ALOX12: variants seen among roughly 807,000 people sequenced by gnomAD.
The protein encoded by ALOX12 is polyunsaturated fatty acid lipoxygenase ALOX12.
A neutral mutation model predicts 85.5 loss-of-function variants in ALOX12; 62 were observed. That is an observed-to-expected ratio of 0.73 (90% confidence interval 0.59 to 0.90). The LOEUF (loss-of-function observed/expected upper bound fraction) is 0.90. Ranked by LOEUF, ALOX12 falls within the 40% of genes least tolerant of loss-of-function variation. The pLI is 0.00. For synonymous variants in ALOX12, 299 were observed against 332.7 expected (o/e 0.90, Z 1.10); for missense variants, 751 against 856.5 (o/e 0.88, Z 1.54).
chr17:7,007,289 G>A (rs1909137072), intron 11 of ALOX12, among the ~76,000 whole-genome samples: 1 of 152,166 alleles, frequency 6.6e-6, no homozygotes, highest in Non-Finnish European at 1.5e-5. Context: ...GGAAGAAAAA[G>A]CCTTTGCTGA....
At position 7,006,508 on chromosome 17, in the gene ALOX12, C is replaced by T; in HGVS notation, c.1441C>T (p.Leu481Phe). The T allele has an allele frequency of 6.2e-7, 1 of 1,613,790 alleles. No homozygotes were observed. Among genetic ancestry groups the T allele is most frequent in the East Asian group, 2.2e-5 (1 of 44,866 alleles). The change falls in exon 11 of 14, where the codon CTC becomes TTC. Residue 481 changes from leucine (L) to phenylalanine (F), a missense_variant. Physicochemically the swap from Leu to Phe is conservative, Grantham distance 22 (BLOSUM62 0). Transcript: ENST00000251535. ...IARYVEGIVH[L>F]FYQRDDIVKG... ...CAGGTATGTGGAGGGGATCGTCCAC[C>T]TCTTCTACCAAAGGGATGACATAGT...
intron 2 of ALOX12, 103 bp from the exon 3 acceptor site, chr17:6,998,406 T>G (rs1160827590): frequency 2.1e-5 from 16 of 768,524 alleles, no homozygotes; most frequent in Non-Finnish European, 3.6e-5. Context: ...CAACAGTGCA[T>G]GGCTGAAAAC....
At chr17:7,009,606 C>T in intron 11 of ALOX12, 141 bp from the exon 12 acceptor site, 1 of 752,986 alleles carries the variant, frequency 1.3e-6, no homozygotes, top group South Asian at 1.7e-5. Flanking sequence ...TGAGCCAGGA[C>T]TTAAACGCAT....
intron 13 of ALOX12, 50 bp downstream of exon 13, chr17:7,010,176 C>T: frequency 6.3e-7 from 1 of 1,598,552 alleles, no homozygotes; most frequent in East Asian, 2.2e-5. Flanking sequence ...AAGGAAACAT[C>T]AGAGTGAGGG....
rs1908649252 is a variant in ALOX12, at chr17:7,000,321, C to A, written c.808-15C>A. 1 of 1,613,780 alleles carries A rather than the reference C, an allele frequency of 6.2e-7. No homozygotes were observed. Among genetic ancestry groups the A allele is most frequent in the Non-Finnish European group, 8.5e-7 (1 of 1,179,824 alleles). On this transcript the variant is annotated splice_polypyrimidine_tract_variant and intron_variant, in intron 6 of 13. Transcript: ENST00000251535. This position sits in a 1 kb window ranked among gnomAD's most constrained non-coding sequence, Gnocchi z 4.6. Reference sequence around the variant, plus strand: ...CTTTGAACTCTAAAAATGGATACATCCCTCCTGTCCCCAGAATGGTTCCCT... The same window carrying A: ...CTTTGAACTCTAAAAATGGATACATACCTCCTGTCCCCAGAATGGTTCCCT...
chr17:6,999,086 C>G, intron 5 of ALOX12, 30 bp downstream of exon 5: 1 of 1,594,324 alleles, frequency 6.3e-7, no homozygotes, highest in Non-Finnish European at 8.6e-7. Context: ...CTCCATAATC[C>G]CTTAATGGCC....
intron 11 of ALOX12, among the ~76,000 whole-genome samples, chr17:7,006,927 G>A (rs559494537): frequency 1.3e-5 from 2 of 152,076 alleles, no homozygotes; most frequent in Non-Finnish European, 1.5e-5. Context: ...GTCCCTGCTG[G>A]GCTCATATTC....
In ALOX12 at chr17:7,000,446, GC is replaced by G; in HGVS notation, c.921del (p.Asn308MetfsTer55). 1.2e-6 allele frequency: 2 copies of G among 1,614,044 alleles called. No homozygotes were observed. On this transcript the variant is annotated frameshift_variant, in exon 7 of 14. Transcript: ENST00000251535. LOFTEE classifies it high-confidence loss of function. The surrounding 1 kb of genome is among the most constrained non-coding windows in gnomAD (Gnocchi z 4.6). ...CCCCCCTCGTTATGCTGAAGATGGA[GC>G]CCAATGGGAAGCTGCAGCCCATGGT... The part of the protein sequence containing the change: ...AAPLVMLKME[P>X]NGKLQPMVIQ...
intron 2 of ALOX12, among the ~76,000 whole-genome samples, chr17:6,997,359 G>T (rs1908498922): frequency 6.6e-6 from 1 of 151,982 alleles, no homozygotes; most frequent in South Asian, 2.1e-4. Context: ...GAGATGTAAA[G>T]GTGACTCAGA....
chr17:6,999,685 G>A, intron 6 of ALOX12: 1 of 526,768 alleles, frequency 1.9e-6, no homozygotes, highest in Non-Finnish European at 3.4e-6. Context: ...AGCACACAGA[G>A]AGGGGCTGGA....
intron 8 of ALOX12, among the ~76,000 whole-genome samples, chr17:7,003,598 T>C (rs772281361): frequency 1.3e-5 from 2 of 152,096 alleles, no homozygotes; most frequent in Non-Finnish European, 2.9e-5. Flanking sequence ...GGCTAATTTT[T>C]TTTATTTTTT....
intron 11 of ALOX12, among the ~76,000 whole-genome samples, chr17:7,007,071 G>C (rs1909123251): frequency 6.6e-6 from 1 of 152,168 alleles, no homozygotes; most frequent in Non-Finnish European, 1.5e-5. Flanking sequence ...AGAGGGTCCA[G>C]GAATACCGCA....
At chr17:7,008,210 A>G (rs1395458791) in intron 11 of ALOX12, among the ~76,000 whole-genome samples, 1 of 152,248 alleles carries the variant, frequency 6.6e-6, no homozygotes, top group African/African-American at 2.4e-5. Context: ...AAAGACATTC[A>G]GTTCATGACA....
At position 7,010,506 on chromosome 17, in the gene ALOX12, T is replaced by A; in HGVS notation, c.*83T>A. The A allele has an allele frequency of 6.7e-7, 1 of 1,495,024 alleles. No individual in the cohort carries two copies. The highest frequency in any genetic ancestry group is 1.3e-5 in the South Asian group (1 of 76,020). The allele number at this position is 1,495,024 out of a possible 1,614,324, so 92.6% of individuals were successfully genotyped here. A position where few individuals can be genotyped will look rare whatever the true frequency, so the allele number is the denominator to read the frequency against. On this transcript the variant is annotated 3_prime_UTR_variant, in exon 14 of 14. Coordinates refer to ENST00000251535, the MANE Select transcript of ALOX12 (RefSeq NM_000697.3). ...TCTTGAATTTCATGCTTTCCTAAAG[T>A]CTCTGCTGCTAAGGCTCTATTTCCT...
chr17:7,006,727 C>T, intron 11 of ALOX12, 120 bp downstream of exon 11: 2 of 1,331,814 alleles, frequency 1.5e-6, no homozygotes, highest in South Asian at 1.5e-5. Flanking sequence ...CCTCCCTCCA[C>T]ACGGGAAAGC....
chr17:6,999,486 C>T lies in ALOX12; in HGVS notation c.807+20C>T, dbSNP rs1171965446. 2 of 1,612,670 alleles carry T rather than the reference C, an allele frequency of 1.2e-6. No individual in the cohort carries two copies. Among genetic ancestry groups the T allele is most frequent in the Non-Finnish European group, 1.7e-6 (2 of 1,178,930 alleles). ...CTTCAGGTACCTCTCCTTCCCCTGC[C>T]TGGCACTGTTCTCTCCTTAGTAGTG... On this transcript the variant is annotated intron_variant, in intron 6 of 13. Coordinates refer to ENST00000251535, the MANE Select transcript of ALOX12 (RefSeq NM_000697.3).
At position 7,009,803 on chromosome 17, in the gene ALOX12, G is replaced by C. The variant is rs780521121; in HGVS notation, c.1597G>C (p.Val533Leu). The C allele has an allele frequency of 6.2e-7, 1 of 1,614,040 alleles. No individual in the cohort carries two copies. Among genetic ancestry groups the C allele is most frequent in the Admixed American group, 1.7e-5 (1 of 60,012 alleles). The part of the protein sequence containing the change: ...SQLCHFLTMC[V>L]FTCTAQHAAI... Reference sequence around the variant, plus strand: ...ACTCTGCCATTTCCTCACCATGTGCGTCTTCACGTGCACTGCCCAGCATGC... The same window carrying C: ...ACTCTGCCATTTCCTCACCATGTGCCTCTTCACGTGCACTGCCCAGCATGC... The change falls in exon 12 of 14, where the codon GTC (valine) becomes CTC (leucine). Residue 533 changes from valine (V) to leucine (L), a missense_variant. Val to Leu is a conservative substitution (Grantham distance 32, BLOSUM62 1). Transcript: ENST00000251535.
In ALOX12 at chr17:6,998,723, C is replaced by G; in HGVS notation, c.428C>G (p.Thr143Ser). The change falls in exon 4 of 14, where the codon ACC (threonine) becomes AGC (serine). Residue 143 changes from threonine (T) to serine (S), a missense_variant. Physicochemically the swap from Thr to Ser is moderately conservative, Grantham distance 58. Transcript: ENST00000251535. ...TTGTCCCCAACTCCTAGCTGGGCCA[C>G]CTGGAAGGAAGGGTTACCCCTGACC... The part of the protein sequence containing the change: ...KDRQQIYCWA[T>S]WKEGLPLTIA... 1 of 1,613,982 alleles carries G rather than the reference C, an allele frequency of 6.2e-7. No homozygotes were observed. The highest frequency in any genetic ancestry group is 1.1e-5 in the South Asian group (1 of 91,072).
intron 8 of ALOX12, among the ~76,000 whole-genome samples, chr17:7,004,726 A>G (rs997715014): frequency 5.9e-5 from 9 of 152,250 alleles, no homozygotes; most frequent in African/African-American, 2.2e-4. Flanking sequence ...GAAACCCCCA[A>G]CTGTGAAACA....
Sources: gnomAD v4.1 joint callset for allele counts (sites outside exome capture counted in the v4.1 genomes callset) on GRCh38, gnomAD v4.1.1 for gene constraint, Gnocchi (gnomAD v3.1) non-coding constraint, MANE v1.5 for transcripts, NCBI Gene and HGNC (gene_info 2026-07-23, HGNC 2026-07-21) for gene names.